SPHKAP: variants seen among roughly 807,000 people sequenced by gnomAD.
SPHKAP encodes the protein A-kinase anchor protein SPHKAP.
A neutral mutation model predicts 137.5 loss-of-function variants in SPHKAP; 67 were observed. That is an observed-to-expected ratio of 0.49 (90% confidence interval 0.40 to 0.60). The LOEUF is 0.60. SPHKAP is among the 20% of genes least tolerant of loss of function. The pLI is 0.00. For missense variants in SPHKAP, 2,097 were observed against 2,069.3 expected (o/e 1.01, Z -0.26); for synonymous variants, 813 against 785.3 (o/e 1.04, Z -0.59).
chr2:228,031,648 A>T (rs1373192623), intron 3 of SPHKAP, among the ~76,000 whole-genome samples: 3 of 152,204 alleles, frequency 2.0e-5, no homozygotes, highest in African/African-American at 7.2e-5. Context: ...TCACACGGCC[A>T]GATACTCCTC....
Position 228,087,917 on chromosome 2 carries a change from G to T in SPHKAP, c.246+20915C>A, listed in dbSNP as rs568261714. 8.5e-5 allele frequency among the ~76,000 whole-genome samples: 13 copies of T among 152,224 alleles called. No individual in the cohort carries two copies. In the South Asian group the frequency reaches 2.7e-3, roughly 32 times the overall value. ...AAAACCTACAGACTTACTGAAAAAT[G>T]CATAGTTTTCTTTTCTCAGCTGTTT... On this transcript the variant is annotated intron_variant, in intron 3 of 11. Transcript: ENST00000392056.
chr2:228,020,919 T>C (rs1043364156), intron 6 of SPHKAP, among the ~76,000 whole-genome samples: 17 of 152,140 alleles, frequency 1.1e-4, no homozygotes, highest in African/African-American at 4.1e-4. Context: ...GCCACCATTT[T>C]TCAGGGGAAA....
intron 3 of SPHKAP, among the ~76,000 whole-genome samples, chr2:228,071,889 G>C (rs1356419259): frequency 6.6e-6 from 1 of 152,104 alleles, no homozygotes; most frequent in African/African-American, 2.4e-5. Context: ...ACTTAACTGG[G>C]CCACTGGATG....
chr2:228,129,004 C>T (rs1699165244), intron 2 of SPHKAP, among the ~76,000 whole-genome samples: 2 of 152,142 alleles, frequency 1.3e-5, no homozygotes, highest in South Asian at 4.1e-4. Context: ...TTGGCCGTCA[C>T]TTAAAGTTAC....
intron 11 of SPHKAP, among the ~76,000 whole-genome samples, chr2:227,989,699 G>C (rs1038852253): frequency 6.6e-6 from 1 of 151,980 alleles, no homozygotes; most frequent in Admixed American, 6.6e-5. Flanking sequence ...TCCACTTCCT[G>C]GGTTCAAGCG....
intron 7 of SPHKAP, among the ~76,000 whole-genome samples, chr2:228,013,726 A>T (rs1694469618): frequency 6.6e-6 from 1 of 152,224 alleles, no homozygotes; most frequent in African/African-American, 2.4e-5. Context: ...GATAATTATT[A>T]TTCCTACCTA....
At chr2:228,026,704 C>G (rs956889382) in intron 4 of SPHKAP, among the ~76,000 whole-genome samples, 1 of 152,156 alleles carries the variant, frequency 6.6e-6, no homozygotes, top group East Asian at 1.9e-4. Flanking sequence ...TAGTACTACA[C>G]ATATGATGAT....
intron 3 of SPHKAP, among the ~76,000 whole-genome samples, chr2:228,094,494 A>G (rs1181721019): frequency 6.6e-6 from 1 of 152,224 alleles, no homozygotes; most frequent in African/African-American, 2.4e-5. Flanking sequence ...TATGGTGCAA[A>G]TACATTCACC....
At chr2:228,092,211 A>G (rs1192505821) in intron 3 of SPHKAP, among the ~76,000 whole-genome samples, 2 of 77,682 alleles carry the variant, frequency 2.6e-5, no homozygotes, top group Admixed American at 3.4e-4. Flanking sequence ...ATACACACAT[A>G]TATACACACA....
At chr2:228,031,348 T>G (rs1414496084) in intron 3 of SPHKAP, among the ~76,000 whole-genome samples, 3 of 152,182 alleles carry the variant, frequency 2.0e-5, no homozygotes, top group South Asian at 2.1e-4. Context: ...CAGGCTTGAT[T>G]AGGCAAACAA....
At chr2:228,086,057 G>A (rs1388463062) in intron 3 of SPHKAP, among the ~76,000 whole-genome samples, 2 of 152,100 alleles carry the variant, frequency 1.3e-5, no homozygotes, top group Non-Finnish European at 2.9e-5. Flanking sequence ...GGCCAGGCAT[G>A]TAATATGAAG....
intron 3 of SPHKAP, among the ~76,000 whole-genome samples, chr2:228,074,946 G>A (rs897556856): frequency 1.3e-5 from 2 of 151,942 alleles, no homozygotes; most frequent in South Asian, 4.2e-4. Context: ...GATACCCAAT[G>A]TTATAAAAAA....
rs1423091232 is a variant in SPHKAP, at chr2:228,019,792, A to G, written c.1062T>C (p.Pro354=). ...TCTGCTCTGCCACAGCACATGCAGAAGGTACATCTTTATCCATCATGGAGA... is the reference window on the plus strand; with the variant it reads ...TCTGCTCTGCCACAGCACATGCAGAGGGTACATCTTTATCCATCATGGAGA... ...AYFSMMDKDV[P]SACAVAEQRS... Residue 354 remains proline, a synonymous_variant, in exon 7 of 12, where the codon CCT becomes CCC. Coordinates refer to ENST00000392056, the MANE Select transcript of SPHKAP (RefSeq NM_001142644.2). The G allele has an allele frequency of 6.2e-7, 1 of 1,614,120 alleles. No homozygotes were observed. Among genetic ancestry groups the G allele is most frequent in the East Asian group, 2.2e-5 (1 of 44,888 alleles).
chr2:228,087,831 G>A (rs1195124450), intron 3 of SPHKAP, among the ~76,000 whole-genome samples: 1 of 151,996 alleles, frequency 6.6e-6, no homozygotes, highest in Non-Finnish European at 1.5e-5. Context: ...CATACAATGG[G>A]AATATCAGAG....
intron 11 of SPHKAP, among the ~76,000 whole-genome samples, chr2:227,987,094 G>A (rs910993345): frequency 6.6e-6 from 1 of 152,206 alleles, no homozygotes; most frequent in African/African-American, 2.4e-5. Flanking sequence ...TTCTCTGGAA[G>A]GAGGTCTCAA....
rs1311695706 is a variant in SPHKAP, at chr2:228,018,602, C to T, written c.2252G>A (p.Cys751Tyr). 1.2e-6 allele frequency: 2 copies of T among 1,613,816 alleles called. No homozygotes were observed. Among genetic ancestry groups the T allele is most frequent in the Non-Finnish European group, 1.7e-6 (2 of 1,179,910 alleles). ...TIRRRETEPS[C>Y]QPSDPGASQA... Reference sequence around the variant, plus strand: ...ACTAGCACCCGGATCAGATGGCTGGCAGCTTGGTTCTGTCTCCCTCCTTCT... The same window carrying T: ...ACTAGCACCCGGATCAGATGGCTGGTAGCTTGGTTCTGTCTCCCTCCTTCT... The change falls in exon 7 of 12, where the codon TGC (cysteine) becomes TAC (tyrosine). Residue 751 changes from cysteine to tyrosine, a missense_variant. Physicochemically the swap from Cys to Tyr is radical, Grantham distance 194 (BLOSUM62 -2). Coordinates refer to ENST00000392056, the MANE Select transcript of SPHKAP (RefSeq NM_001142644.2).
intron 3 of SPHKAP, among the ~76,000 whole-genome samples, chr2:228,068,973 CAA>C (rs1481745775): frequency 6.6e-6 from 1 of 152,162 alleles, no homozygotes; most frequent in Non-Finnish European, 1.5e-5. Context: ...CTCCCTCACC[CAA>C]AAGAGGCAGT....
At chr2:228,135,433 C>T (rs1699408957) in intron 1 of SPHKAP, among the ~76,000 whole-genome samples, 1 of 152,056 alleles carries the variant, frequency 6.6e-6, no homozygotes, top group African/African-American at 2.4e-5. Context: ...ACTTATTTGC[C>T]CATGAAGCAC....
chr2:228,145,242 C>T (rs1699741120), intron 1 of SPHKAP, among the ~76,000 whole-genome samples: 1 of 152,174 alleles, frequency 6.6e-6, no homozygotes, highest in Non-Finnish European at 1.5e-5. Context: ...CTTCTAATCT[C>T]CTAATGTGTA....
Sources: gnomAD v4.1 joint callset for allele counts (sites outside exome capture counted in the v4.1 genomes callset) on GRCh38, gnomAD v4.1.1 for gene constraint, MANE v1.5 for transcripts, NCBI Gene and HGNC (gene_info 2026-07-23, HGNC 2026-07-21) for gene names.